Variants in KMT2C observed in about 807,000 individuals in gnomAD.
The protein encoded by KMT2C is histone-lysine N-methyltransferase 2C.
A neutral mutation model predicts 507.9 loss-of-function variants in KMT2C; 88 were observed. The observed-to-expected ratio is 0.17, with a 90% CI of 0.15 to 0.21. The LOEUF is 0.21. Among genes scored for constraint, KMT2C ranks in the 10% least tolerant of loss-of-function variants. The probability of loss-of-function intolerance (pLI) is 1.00; values close to 1 mark genes in which losing one functional copy is unlikely to be tolerated. For synonymous variants in KMT2C, 2,049 were observed against 2,080.8 expected, an observed-to-expected ratio of 0.98 and a Z score of 0.42; for missense variants, 4,954 against 5,957.8, an observed-to-expected ratio of 0.83 and a Z score of 5.55.
chr7:152,347,364 C>A (rs1211530619), intron 2 of KMT2C, among the ~76,000 whole-genome samples: 2 of 152,110 alleles, frequency 1.3e-5, no homozygotes, highest in African/African-American at 4.8e-5. Context: ...ATATGGGTCC[C>A]GTGGTGTTAT....
At chr7:152,282,351 C>T (rs1321898299) in intron 6 of KMT2C, among the ~76,000 whole-genome samples, 1 of 151,248 alleles carries the variant, frequency 6.6e-6, no homozygotes, top group East Asian at 1.9e-4. Context: ...GGTTAGAATC[C>T]ATAAAATACT....
At chr7:152,201,322 AC>A (rs2094134195) in intron 26 of KMT2C, among the ~76,000 whole-genome samples, 1 of 151,648 alleles carries the variant, frequency 6.6e-6, no homozygotes, top group Non-Finnish European at 1.5e-5. Context: ...ACACACACAC[AC>A]ACACACACGC....
At position 152,162,424 on chromosome 7, in the gene KMT2C, A is replaced by C. The variant is rs746124863; in HGVS notation, c.11153T>G (p.Ile3718Arg). 2.4e-5 allele frequency: 39 copies of C among 1,613,978 alleles called. No individual in the cohort carries two copies. The highest frequency in any genetic ancestry group is 3.3e-4 in the Middle Eastern group (2 of 6,084). Residue 3718 changes from isoleucine (I) to arginine (R), a missense_variant, in exon 43 of 59, where the codon ATA becomes AGA. Physicochemically the swap from Ile to Arg is moderately conservative, Grantham distance 97. Coordinates refer to ENST00000262189, the MANE Select transcript of KMT2C (RefSeq NM_170606.3). Reference sequence around the variant, plus strand: ...CTCTGTCTCAGCCTTTTCCAGTTTTATCTCTTCTGTTTTGGCAGGGGTTTC... The same window carrying C: ...CTCTGTCTCAGCCTTTTCCAGTTTTCTCTCTTCTGTTTTGGCAGGGGTTTC... ...SMETPAKTEE[I>R]KLEKAETESC... is the part of the protein sequence containing the mutation.
chr7:152,251,190 T>C (rs547882806), intron 11 of KMT2C, among the ~76,000 whole-genome samples: 2 of 152,312 alleles, frequency 1.3e-5, no homozygotes, highest in African/African-American at 4.8e-5. Flanking sequence ...TTCATGCCTG[T>C]AATCCTAACA....
At chr7:152,193,213 C>G (rs147316192) in intron 31 of KMT2C, among the ~76,000 whole-genome samples, 1 of 152,118 alleles carries the variant, frequency 6.6e-6, no homozygotes, top group Admixed American at 6.6e-5. Context: ...GTTATATACA[C>G]GCCACCATGC....
At chr7:152,366,565 G>A (rs1009561897) in intron 1 of KMT2C, among the ~76,000 whole-genome samples, 3 of 152,190 alleles carry the variant, frequency 2.0e-5, no homozygotes, top group Admixed American at 6.5e-5. Context: ...GACGGAAAGT[G>A]GAACGGTGGT....
At position 152,182,279 on chromosome 7, in the gene KMT2C, G is replaced by C; in HGVS notation, c.5581C>G (p.Arg1861Gly). The change falls in exon 36 of 59, where the codon CGG (arginine) becomes GGG (glycine). Residue 1861 changes from arginine (R) to glycine (G), a missense_variant. By Grantham distance (125) the Arg-to-Gly change is moderately radical (BLOSUM62 -2). Around this residue, in one of 29 missense-constraint regions of KMT2C, gnomAD observed 1,689 missense variants for 1,654.3 expected, o/e 1.02. Coordinates refer to ENST00000262189, the MANE Select transcript of KMT2C (RefSeq NM_170606.3). ...QAPPPPPAPS[R>G]IPIQDSLSQA... Reference sequence around the variant, plus strand: ...GAAAGACTATCCTGGATGGGAATCCGGGATGGGGCTGGAGGAGGAGGTGGA... The same window carrying C: ...GAAAGACTATCCTGGATGGGAATCCCGGATGGGGCTGGAGGAGGAGGTGGA... The C allele has an allele frequency of 6.2e-7, 1 of 1,614,146 alleles. No homozygotes were observed. Among genetic ancestry groups the C allele is most frequent in the Non-Finnish European group, 8.5e-7 (1 of 1,180,002 alleles).
At chr7:152,159,104 G>T (rs1418790344) in intron 43 of KMT2C, 32 bp from the exon 44 acceptor site, 1 of 1,594,930 alleles carries the variant, frequency 6.3e-7, no homozygotes, top group South Asian at 1.1e-5. Context: ...AAAAATAAGT[G>T]AACAATTTGC....
rs2129120103 is a variant in KMT2C, at chr7:152,181,593, C to G, written c.6267G>C (p.Gln2089His). The G allele has an allele frequency of 6.2e-7, 1 of 1,613,986 alleles. No homozygotes were observed. The highest frequency in any genetic ancestry group is 8.5e-7 in the Non-Finnish European group (1 of 1,180,010). Residue 2089 changes from glutamine to histidine, a missense_variant, in exon 36 of 59, where the codon CAG (glutamine) becomes CAC (histidine). Physicochemically the swap from Gln to His is conservative, Grantham distance 24. Around this residue, in one of 29 missense-constraint regions of KMT2C, gnomAD observed 1,689 missense variants for 1,654.3 expected, o/e 1.02. Transcript: ENST00000262189. ...PRPIDNFSHN[Q>H]SNDPYSQPPL... Reference sequence around the variant, plus strand: ...GAGGCTGACTATATGGATCATTTGACTGATTATGAGAAAAATTATCTATAG... The same window carrying G: ...GAGGCTGACTATATGGATCATTTGAGTGATTATGAGAAAAATTATCTATAG...
intron 3 of KMT2C, among the ~76,000 whole-genome samples, chr7:152,318,626 C>CAAAAAAAA (rs67446037): frequency 1.8e-5 from 1 of 54,400 alleles, no homozygotes; most frequent in Non-Finnish European, 3.9e-5. Context: ...GACTCCATCT[C>CAAAAAAAA]AAAAAAAAAA....
rs534633468 is a variant in KMT2C at position 152,147,396 on chromosome 7, G to T, written c.13894+637C>A. On this transcript the variant is annotated intron_variant, in intron 52 of 58. Transcript: ENST00000262189. ...TAGAAACTGACTTTAAGAAAAAGGG[G>T]GTCCCTGCCAGGTACGGTGGCTCAC... Among the ~76,000 whole-genome samples, 4 of 151,974 alleles carry T rather than the reference G, an allele frequency of 2.6e-5. No individual in the cohort carries two copies. In the East Asian group the frequency reaches 7.7e-4, roughly 29 times the overall value.
At chr7:152,361,161 C>T (rs1157096861) in intron 1 of KMT2C, among the ~76,000 whole-genome samples, 1 of 152,028 alleles carries the variant, frequency 6.6e-6, no homozygotes, top group Non-Finnish European at 1.5e-5. Flanking sequence ...AATAAAAAGA[C>T]TACAAAACCT....
chr7:152,278,100 G>C (rs867393102), intron 6 of KMT2C, among the ~76,000 whole-genome samples: 21 of 152,134 alleles, frequency 1.4e-4, no homozygotes, highest in African/African-American at 4.8e-4. Flanking sequence ...AGGTGTTTGG[G>C]TCATGGGGGC....
intron 6 of KMT2C, among the ~76,000 whole-genome samples, chr7:152,307,248 A>AGGAAGGAAGGAAGGAAGGAC (rs1253285455): frequency 1.8e-3 from 216 of 116,980 alleles, no homozygotes; most frequent in Middle Eastern, 4.3e-3. Context: ...GAAGGAAGGA[A>AGGAAGGAAGGAAGGAAGGAC]GGACGGTAGG....
chr7:152,382,348 A>G (rs2097381974), intron 1 of KMT2C, among the ~76,000 whole-genome samples: 1 of 152,190 alleles, frequency 6.6e-6, no homozygotes, highest in Non-Finnish European at 1.5e-5. Context: ...GTCCTTATTT[A>G]TAACGGCCCC....
At position 152,155,367 on chromosome 7, in the gene KMT2C, G is replaced by T. The variant is rs143086171; in HGVS notation, c.11960+543C>A. On this transcript the variant is annotated intron_variant, in intron 46 of 58. Coordinates refer to ENST00000262189, the MANE Select transcript of KMT2C (RefSeq NM_170606.3). ...TTGATGAAGTTGTAAGAACCCTCTG[G>T]ATCTAAAGAGTTGGCTAGCGATCAT... 4.0e-3 allele frequency among the ~76,000 whole-genome samples: 613 copies of T among 152,282 alleles called. 3 individuals carry two copies. The highest frequency in any genetic ancestry group is 0.014 in the African/African-American group (567 of 41,552).
chr7:152,417,780 T>C (rs1478979180), intron 1 of KMT2C, among the ~76,000 whole-genome samples: 1 of 151,584 alleles, frequency 6.6e-6, no homozygotes, highest in African/African-American at 2.4e-5. Flanking sequence ...TAGCTGGGAC[T>C]AGAGGCGCCT....
At chr7:152,225,555 A>G (rs1180909397) in intron 18 of KMT2C, among the ~76,000 whole-genome samples, 1 of 152,244 alleles carries the variant, frequency 6.6e-6, no homozygotes, top group African/African-American at 2.4e-5. Context: ...AGACACAGGA[A>G]GACTCAAAAT....
intron 1 of KMT2C, among the ~76,000 whole-genome samples, chr7:152,409,240 C>G (rs913570394): frequency 6.6e-6 from 1 of 151,936 alleles, no homozygotes; most frequent in South Asian, 2.1e-4. Flanking sequence ...CGCCTTACCT[C>G]GAGTGATCCA....
Sources: allele counts gnomAD v4.1 joint callset (sites outside exome capture counted in the v4.1 genomes callset), GRCh38; gene constraint gnomAD v4.1.1; regional missense constraint gnomAD v4.1.1; transcripts MANE v1.5; gene names NCBI Gene and HGNC (gene_info 2026-07-23, HGNC 2026-07-21).